Variants in PIR observed in about 807,000 individuals in gnomAD.
PIR encodes pirin, also known as pirin (iron-binding nuclear protein).
PIR carries 22 observed loss-of-function variants against 24.2 expected under a neutral mutation model. The ratio of observed to expected loss-of-function variants is 0.91; its 90% confidence interval spans 0.65 to 1.30. The LOEUF (loss-of-function observed/expected upper bound fraction) is 1.30, where lower values mean the gene tolerates loss of function less well. PIR is among the 50% of genes most tolerant of loss of function. The pLI is 0.00. For missense variants in PIR, 220 were observed against 220.3 expected (o/e 1.00, Z 0.01); for synonymous variants, 80 against 79.6 (o/e 1.00, Z -0.03).
At chrX:15,433,542 AAGAGAGAGAAAGAAAGAAAGAG>A (rs1925589420) in intron 5 of PIR, among the ~76,000 whole-genome samples, 1 of 62,674 alleles carries the variant, frequency 1.6e-5, no homozygotes, top group African/African-American at 7.0e-5. Context: ...GAAAGAAAGA[AAGAGAGAGAAAGAAAGAAAGAG>A]AGAGAAAGAA....
intron 3 of PIR, among the ~76,000 whole-genome samples, chrX:15,474,242 G>A (rs1922082117): frequency 8.9e-6 from 1 of 112,082 alleles, no homozygotes; most frequent in Admixed American, 9.4e-5. Context: ...CAGCTGGACT[G>A]GTTCAAACAA....
At chrX:15,491,801 A>G (rs774085409) in intron 1 of PIR, among the ~76,000 whole-genome samples, 14 of 111,341 alleles carry the variant, frequency 1.3e-4, no homozygotes, top group Admixed American at 1.9e-4. Context: ...GCCTAGGAAC[A>G]ATAGGCTATA....
At chrX:15,387,563 A>C (rs903469657) in intron 9 of PIR, among the ~76,000 whole-genome samples, 6 of 111,618 alleles carry the variant, frequency 5.4e-5, no homozygotes, top group Non-Finnish European at 9.4e-5. Context: ...GAGAGTTAAC[A>C]TATGCAGAAT....
intron 5 of PIR, among the ~76,000 whole-genome samples, chrX:15,434,228 GAT>G (rs1188112182): frequency 9.9e-6 from 1 of 100,720 alleles, no homozygotes; most frequent in African/African-American, 3.7e-5. Flanking sequence ...AGAAGAAGGA[GAT>G]AGAAGAAGGA....
intron 7 of PIR, among the ~76,000 whole-genome samples, chrX:15,406,382 C>T (rs553945520): frequency 2.7e-5 from 3 of 112,197 alleles, no homozygotes; most frequent in African/African-American, 9.7e-5. Flanking sequence ...AGACAGACAA[C>T]GAAGGGTATG....
chrX:15,433,622 GAGGAGAA>G (rs1925603290), intron 5 of PIR, among the ~76,000 whole-genome samples: 1 of 99,980 alleles, frequency 1.0e-5, no homozygotes, highest in Non-Finnish European at 2.0e-5. Flanking sequence ...GAGAAAGAAG[GAGGAGAA>G]AGGAGAAAGA....
rs139619897 is a variant in PIR, at chrX:15,424,204, A to G, written c.565+1702T>C. On this transcript the variant is annotated intron_variant, in intron 6 of 9. Coordinates refer to ENST00000380420, the MANE Select transcript of PIR (RefSeq NM_001018109.3). The stretch of plus-strand genomic sequence containing the variant: ...AATAGATGAATGAAGAAAATGTGAT[A>G]TAAATATACAATGAAATATTATTCA... 5.9e-3 allele frequency among the ~76,000 whole-genome samples: 665 copies of G among 112,647 alleles called. 7 individuals are homozygous for G. The highest frequency in any genetic ancestry group is 0.02 in the African/African-American group (634 of 30,991).
At chrX:15,438,660 G>A (rs188569287) in intron 5 of PIR, among the ~76,000 whole-genome samples, 1 of 111,793 alleles carries the variant, frequency 8.9e-6, no homozygotes, top group Non-Finnish European at 1.9e-5. Flanking sequence ...ATGGAGACCT[G>A]TAGGTGCCAT....
intron 7 of PIR, among the ~76,000 whole-genome samples, chrX:15,400,983 C>T (rs1465483719): frequency 9.1e-6 from 1 of 109,660 alleles, no homozygotes; most frequent in Non-Finnish European, 1.9e-5. Context: ...CGTGATCTGC[C>T]CCCTCGATCT....
chrX:15,477,021 G>T (rs1465937157), intron 3 of PIR, among the ~76,000 whole-genome samples: 2 of 111,846 alleles, frequency 1.8e-5, no homozygotes, highest in African/African-American at 6.5e-5. Context: ...CAGAAAAAAA[G>T]TACTGAATGA....
At chrX:15,462,850 T>C (rs1430177195) in intron 3 of PIR, among the ~76,000 whole-genome samples, 2 of 112,271 alleles carry the variant, frequency 1.8e-5, no homozygotes, top group African/African-American at 3.2e-5. Flanking sequence ...ACAACATTCA[T>C]TGAACAAATA....
At chrX:15,419,551 G>A (rs1017905938) in intron 6 of PIR, among the ~76,000 whole-genome samples, 15 of 111,345 alleles carry the variant, frequency 1.3e-4, no homozygotes, top group Admixed American at 1.3e-3. Flanking sequence ...GTTTACAGAC[G>A]CTCAATGCTA....
chrX:15,389,018 G>A (rs754814372), intron 9 of PIR, among the ~76,000 whole-genome samples: 9 of 111,477 alleles, frequency 8.1e-5, no homozygotes, highest in Admixed American at 3.8e-4. Flanking sequence ...CCAGTGTAGG[G>A]TGGCTTTGAG....
chrX:15,467,422 G>A (rs988888922), intron 3 of PIR, among the ~76,000 whole-genome samples: 2 of 112,573 alleles, frequency 1.8e-5, no homozygotes, highest in Non-Finnish European at 3.7e-5. Flanking sequence ...ATAGGAGCCA[G>A]AACTGCAGGG....
chrX:15,404,594 A>G (rs937472533), intron 7 of PIR, among the ~76,000 whole-genome samples: 3 of 112,462 alleles, frequency 2.7e-5, no homozygotes, highest in Non-Finnish European at 5.6e-5. Context: ...GTTGGTGCCA[A>G]CCTAGTTTTA....
chrX:15,421,081 T>C (rs1925116364), intron 6 of PIR, among the ~76,000 whole-genome samples: 1 of 111,970 alleles, frequency 8.9e-6, no homozygotes, highest in Middle Eastern at 4.6e-3. Flanking sequence ...GTGAGGGTAC[T>C]GGACATAGAT....
intron 7 of PIR, among the ~76,000 whole-genome samples, chrX:15,405,546 C>T (rs1924526942): frequency 8.9e-6 from 1 of 112,525 alleles, no homozygotes; most frequent in South Asian, 3.6e-4. Flanking sequence ...ATCCTTACCA[C>T]CTTAAAATTC....
intron 3 of PIR, among the ~76,000 whole-genome samples, chrX:15,472,654 A>T (rs1921984022): frequency 8.9e-6 from 1 of 112,192 alleles, no homozygotes; most frequent in Non-Finnish European, 1.9e-5. Context: ...GGTTCCTAGG[A>T]GCTGGAGGAA....
chrX:15,491,320 G>GA lies in PIR; in HGVS notation c.-52-12dup. Reference sequence around the variant, plus strand: ...GTAGAGGATGGAGGGCTAAAGGAAGGACAACAAAAAAAAAAGAAGTCATAA... The same window carrying GA: ...GTAGAGGATGGAGGGCTAAAGGAAGGAACAACAAAAAAAAAAGAAGTCATAA... On this transcript the variant is annotated splice_polypyrimidine_tract_variant and intron_variant, in intron 1 of 9. Transcript: ENST00000380420. 1.4e-6 allele frequency: 1 copy of GA among 711,362 alleles called. No individual in the cohort carries two copies. The highest frequency in any genetic ancestry group is 2.2e-5 in the African/African-American group (1 of 44,932). 58.6% of individuals were successfully genotyped at this position (711,362 alleles called of 1,213,427 possible). A position where few individuals can be genotyped will look rare whatever the true frequency, so the allele number is the denominator to read the frequency against.
Sources: allele counts gnomAD v4.1 joint callset (sites outside exome capture counted in the v4.1 genomes callset), GRCh38; gene constraint gnomAD v4.1.1; transcripts MANE v1.5; gene names NCBI Gene and HGNC (gene_info 2026-07-23, HGNC 2026-07-21).